Variants in CLEC6A observed in about 807,000 individuals in gnomAD.
CLEC6A encodes C-type lectin domain family 6 member A.
Under a neutral mutation model 25.7 loss-of-function variants are expected in CLEC6A, and 22 were observed. That is an observed-to-expected ratio of 0.85 (90% CI 0.61 to 1.22). The LOEUF (loss-of-function observed/expected upper bound fraction) is 1.22, where lower values mean the gene tolerates loss of function less well. CLEC6A is among the 50% of genes most tolerant of loss of function. CLEC6A has a pLI of 0.00. For synonymous variants in CLEC6A, 92 were observed against 76.7 expected (o/e 1.20, Z -1.04); for missense variants, 240 against 236.8 (o/e 1.01, Z -0.09).
Position 8,465,520 on chromosome 12 carries a change from G to T in CLEC6A, c.260G>T (p.Gly87Val), listed in dbSNP as rs1412692334. 1 of 1,613,796 alleles carries T rather than the reference G, an allele frequency of 6.2e-7. No individual in the cohort carries two copies. The highest frequency in any genetic ancestry group is 2.2e-5 in the East Asian group (1 of 44,878). ...TGCCCAGCTTCTTGGAAGTCATTTG[G>T]TTCCAGTTGCTACTTCATTTCCAGT... Reference protein sequence around the residue: ...GCCPASWKSFGSSCYFISSEE... With the variant: ...GCCPASWKSFVSSCYFISSEE... Residue 87 changes from glycine to valine, a missense_variant, in exon 4 of 6, where the codon GGT (glycine) becomes GTT (valine). Transcript: ENST00000382073.
chr12:8,463,152 T>A (rs373012823), intron 3 of CLEC6A, among the ~76,000 whole-genome samples: 16 of 152,324 alleles, frequency 1.1e-4, no homozygotes, highest in African/African-American at 3.8e-4. Context: ...ACTTTTCTCA[T>A]CTGTCAAAAT....
intron 3 of CLEC6A, 59 bp from the exon 4 acceptor site, chr12:8,465,425 A>G: frequency 6.5e-7 from 1 of 1,546,820 alleles, no homozygotes; most frequent in East Asian, 2.2e-5. Context: ...ATTGCAGATC[A>G]TTAATCTCAT....
chr12:8,473,696 A>G (rs1939936099), intron 4 of CLEC6A, among the ~76,000 whole-genome samples: 1 of 152,132 alleles, frequency 6.6e-6, no homozygotes, highest in Non-Finnish European at 1.5e-5. Context: ...CCCACCAGCA[A>G]TGTATGTAAG....
chr12:8,466,193 A>G (rs778106355), intron 4 of CLEC6A, among the ~76,000 whole-genome samples: 2 of 152,346 alleles, frequency 1.3e-5, no homozygotes, highest in East Asian at 3.9e-4. Flanking sequence ...AATCAAGCTA[A>G]TTAATATATC....
chr12:8,457,864 G>A, intron 1 of CLEC6A, 34 bp from the exon 2 acceptor site: 1 of 1,544,806 alleles, frequency 6.5e-7, no homozygotes. Flanking sequence ...CTGGCCCCCT[G>A]GTAACTGCAT....
chr12:8,459,750 A>C, intron 3 of CLEC6A, 52 bp downstream of exon 3: 3 of 1,131,654 alleles, frequency 2.7e-6, no homozygotes, highest in Non-Finnish European at 4.0e-6. Flanking sequence ...GGGAGAGATC[A>C]GGGTTGAGCT....
At chr12:8,476,329 A>T (rs1391547719) in intron 5 of CLEC6A, 89 bp downstream of exon 5, 2 of 761,068 alleles carry the variant, frequency 2.6e-6, no homozygotes, top group Non-Finnish European at 4.5e-6. Context: ...GGTAATTATG[A>T]TAACAGGATC....
chr12:8,461,716 G>C (rs1343940174), intron 3 of CLEC6A, among the ~76,000 whole-genome samples: 1 of 152,132 alleles, frequency 6.6e-6, no homozygotes, highest in Non-Finnish European at 1.5e-5. Context: ...TTTCCATTTT[G>C]ATTAACGTTA....
chr12:8,477,055 G>C (rs753499229), intron 5 of CLEC6A, among the ~76,000 whole-genome samples: 5 of 152,066 alleles, frequency 3.3e-5, no homozygotes, highest in Non-Finnish European at 5.9e-5. Flanking sequence ...CAGCATAAAG[G>C]CTCTGTAAAG....
rs1171412079 is a variant in CLEC6A, at chr12:8,470,962, A to T, written c.370-5163A>T. On this transcript the variant is annotated intron_variant, in intron 4 of 5. Coordinates refer to ENST00000382073, the MANE Select transcript of CLEC6A (RefSeq NM_001007033.2). Reference sequence around the variant, plus strand: ...TATATGACTTTTATCATGTTGAGATACTTTCCTTCTGTTCCTTGTTTGCTG... The same window carrying T: ...TATATGACTTTTATCATGTTGAGATTCTTTCCTTCTGTTCCTTGTTTGCTG... 3.3e-5 allele frequency among the ~76,000 whole-genome samples: 5 copies of T among 152,124 alleles called. No individual in the cohort carries two copies. In the East Asian group the frequency reaches 9.6e-4, roughly 29 times the overall value.
rs1355638834 is a variant in CLEC6A at position 8,472,998 on chromosome 12, T to TAAGTGAGAACATGTGG, written c.370-3127_370-3126insAAGTGAGAACATGTGG. ...CTCAGTGTTTAGCTCCTACTTCTTT[T>TAAGTGAGAACATGTGG]TTTTTTTTTTTTTTTGAGACGGAGT... On this transcript the variant is annotated intron_variant, in intron 4 of 5. Transcript: ENST00000382073. Among the ~76,000 whole-genome samples, 16 of 4,504 alleles carry TAAGTGAGAACATGTGG rather than the reference T, an allele frequency of 3.6e-3. 1 individual carries two copies. Among genetic ancestry groups the TAAGTGAGAACATGTGG allele is most frequent in the Middle Eastern group, 0.2 (2 of 10 alleles). The allele number at this position is 4,504 out of a possible 152,430, so 3.0% of individuals were successfully genotyped here. A position where few individuals can be genotyped will look rare whatever the true frequency, so the allele number is the denominator to read the frequency against.
In CLEC6A at chr12:8,462,395, C is replaced by T. The variant is rs1451733577; in HGVS notation, c.223+2697C>T. Among the ~76,000 whole-genome samples the T allele has an allele frequency of 1.6e-4, 22 of 133,382 alleles. No individual in the cohort carries two copies. In the East Asian group the frequency reaches 4.9e-3, roughly 30 times the overall value. 87.5% of individuals were successfully genotyped at this position (133,382 alleles called of 152,430 possible). On this transcript the variant is annotated intron_variant, in intron 3 of 5. Coordinates refer to ENST00000382073, the MANE Select transcript of CLEC6A (RefSeq NM_001007033.2). ...GGATTAGTATAAGAGGAAGGCATGC[C>T]TCTTTGCAGTTGAGACAAGAGGAAG...
chr12:8,456,241 G>A, intron 1 of CLEC6A, 99 bp downstream of exon 1: 1 of 1,182,950 alleles, frequency 8.5e-7, no homozygotes, highest in Non-Finnish European at 1.3e-6. Flanking sequence ...AAGAGCTAGT[G>A]ATTGGACCAA....
At chr12:8,458,535 T>C (rs1387931886) in intron 2 of CLEC6A, among the ~76,000 whole-genome samples, 1 of 152,186 alleles carries the variant, frequency 6.6e-6, no homozygotes, top group African/African-American at 2.4e-5. Context: ...TCCTCTCCGA[T>C]TCACAATTTG....
At chr12:8,461,025 T>A (rs1939747227) in intron 3 of CLEC6A, 1 of 1,547,064 alleles carries the variant, frequency 6.5e-7, no homozygotes, top group Non-Finnish European at 8.8e-7. Context: ...TCCTCATTGA[T>A]CCATTCTATA....
intron 3 of CLEC6A, chr12:8,461,180 A>T (rs1939749153): frequency 8.5e-6 from 10 of 1,173,176 alleles, no homozygotes; most frequent in Non-Finnish European, 1.3e-5. Flanking sequence ...TGTGGTTCTC[A>T]TCTGGCAGAT....
At chr12:8,470,490 A>G (rs1012925925) in intron 4 of CLEC6A, among the ~76,000 whole-genome samples, 30 of 152,172 alleles carry the variant, frequency 2.0e-4, no homozygotes, top group African/African-American at 6.5e-4. Flanking sequence ...ATGCATGTTT[A>G]TAGCAGCACA....
chr12:8,466,945 C>T (rs1939839942), intron 4 of CLEC6A, among the ~76,000 whole-genome samples: 1 of 152,208 alleles, frequency 6.6e-6, no homozygotes, highest in African/African-American at 2.4e-5. Context: ...AGCCACCTCA[C>T]CCGACTGGCA....
rs563574783 is a variant in CLEC6A at position 8,463,954 on chromosome 12, G to T, written c.224-1530G>T. Among the ~76,000 whole-genome samples the T allele has an allele frequency of 4.0e-4, 61 of 152,278 alleles. 1 individual carries two copies. The South Asian group carries it at 9.1e-3, about 23-fold the overall frequency. On this transcript the variant is annotated intron_variant, in intron 3 of 5. Coordinates refer to ENST00000382073, the MANE Select transcript of CLEC6A (RefSeq NM_001007033.2). ...ATGTTCAACTTACAAAAAATGTTTG[G>T]TGTACATAGCTCAACTGGCAAAGTC... is the stretch of plus-strand genomic sequence containing the variant.
Sources: allele counts gnomAD v4.1 joint callset (sites outside exome capture counted in the v4.1 genomes callset), GRCh38; gene constraint gnomAD v4.1.1; transcripts MANE v1.5; gene names NCBI Gene and HGNC (gene_info 2026-07-23, HGNC 2026-07-21).